SRGAP1: variants seen among roughly 807,000 people sequenced by gnomAD.
SRGAP1 encodes SLIT-ROBO Rho GTPase activating protein 1.
SRGAP1 carries 43 observed loss-of-function variants against 121.9 expected under a neutral mutation model. The observed-to-expected ratio is 0.35, with a 90% confidence interval of 0.28 to 0.46. SRGAP1 has a LOEUF of 0.46. Ranked by LOEUF, SRGAP1 falls within the 20% of genes least tolerant of loss-of-function variation. The pLI, the probability that SRGAP1 is intolerant of heterozygous loss-of-function variation, is 1.00. For missense variants in SRGAP1, 1,102 were observed against 1,350.9 expected (o/e 0.82, Z 2.89); for synonymous variants, 447 against 485.4 (o/e 0.92, Z 1.04).
At chr12:63,915,608 T>C (rs1210101954) in intron 1 of SRGAP1, among the ~76,000 whole-genome samples, 2 of 152,210 alleles carry the variant, frequency 1.3e-5, no homozygotes, top group Non-Finnish European at 2.9e-5. Context: ...TGAGTGATCA[T>C]AGCAACCATC....
chr12:63,899,620 C>T (rs1302621705), intron 1 of SRGAP1, among the ~76,000 whole-genome samples: 1 of 152,180 alleles, frequency 6.6e-6, no homozygotes, highest in East Asian at 1.9e-4. Flanking sequence ...CTTATTTGAA[C>T]ATGGTTTGAA....
At chr12:64,017,912 T>C (rs1043978910) in intron 4 of SRGAP1, among the ~76,000 whole-genome samples, 1 of 152,138 alleles carries the variant, frequency 6.6e-6, no homozygotes, top group African/African-American at 2.4e-5. Flanking sequence ...CCTAATGATG[T>C]TGCAAGTTGG....
intron 18 of SRGAP1, among the ~76,000 whole-genome samples, chr12:64,123,488 C>A (rs997053614): frequency 2.0e-5 from 3 of 152,146 alleles, no homozygotes; most frequent in African/African-American, 7.2e-5. Context: ...ATAATGAGAT[C>A]ATTCCCTTTA....
At chr12:63,877,094 A>T (rs141030374) in intron 1 of SRGAP1, among the ~76,000 whole-genome samples, 179 of 152,286 alleles carry the variant, frequency 1.2e-3, no homozygotes, top group African/African-American at 4.1e-3. Flanking sequence ...GCATGGTGGC[A>T]TGCGCCTGTA....
intron 1 of SRGAP1, among the ~76,000 whole-genome samples, chr12:63,943,419 A>G (rs764523882): frequency 6.6e-6 from 1 of 152,224 alleles, no homozygotes; most frequent in African/African-American, 2.4e-5. Flanking sequence ...CCAAGTGTAT[A>G]TAGGCATTAG....
Position 64,152,997 on chromosome 12 carries a change from A to G in SRGAP1, c.*10325A>G, listed in dbSNP as rs143161619. ...ATTTCAGGTGTTGATAACTGCTACAAAAAGCAAAAGTGAAATAAACAGGGT... is the reference window on the plus strand; with the variant it reads ...ATTTCAGGTGTTGATAACTGCTACAGAAAGCAAAAGTGAAATAAACAGGGT... On this transcript the variant is annotated 3_prime_UTR_variant, in exon 22 of 22. Transcript: ENST00000355086. The G allele has an allele frequency of 6.6e-5, 10 of 152,100 alleles. No individual in the cohort carries two copies. In the East Asian group the frequency reaches 1.9e-3, roughly 29 times the overall value. The allele number at this position is 152,100 out of a possible 1,614,324, so 9.4% of individuals were successfully genotyped here.
intron 6 of SRGAP1, among the ~76,000 whole-genome samples, chr12:64,060,679 A>G (rs750575831): frequency 6.6e-6 from 1 of 152,208 alleles, no homozygotes; most frequent in Non-Finnish European, 1.5e-5. Flanking sequence ...GGACCAACCT[A>G]TTTAATTTAA....
intron 1 of SRGAP1, among the ~76,000 whole-genome samples, chr12:63,869,507 G>A (rs566525754): frequency 6.6e-6 from 1 of 152,154 alleles, no homozygotes; most frequent in African/African-American, 2.4e-5. Context: ...TTTCAACAGG[G>A]CAGCACCCTT....
At chr12:64,083,650 A>T (rs969344315) in intron 10 of SRGAP1, among the ~76,000 whole-genome samples, 6 of 152,246 alleles carry the variant, frequency 3.9e-5, no homozygotes, top group African/African-American at 1.4e-4. Flanking sequence ...TTTAAATCAT[A>T]GAAGTTAAAT....
At position 64,150,096 on chromosome 12, in the gene SRGAP1, G is replaced by C. The variant is rs755774858; in HGVS notation, c.*7424G>C. 2.0e-5 allele frequency: 3 copies of C among 150,594 alleles called. No homozygotes were observed. The highest frequency in any genetic ancestry group is 2.0e-4 in the East Asian group (1 of 5,074). The allele number at this position is 150,594 out of a possible 1,614,324, so 9.3% of individuals were successfully genotyped here. The stretch of plus-strand genomic sequence containing the variant: ...TTTCTATCAAGGTCAGTCTCAGCAA[G>C]AGAAATGGGACTGGGCTGGATATCA... On this transcript the variant is annotated 3_prime_UTR_variant, in exon 22 of 22. Transcript: ENST00000355086.
At position 63,945,140 on chromosome 12, in the gene SRGAP1, A is replaced by T. The variant is rs79011604; in HGVS notation, c.68-38807A>T. 9.5e-3 allele frequency among the ~76,000 whole-genome samples: 1,446 copies of T among 152,152 alleles called. 24 individuals carry two copies. Among genetic ancestry groups the T allele is most frequent in the African/African-American group, 0.032 (1,341 of 41,514 alleles). On this transcript the variant is annotated intron_variant, in intron 1 of 21. Coordinates refer to ENST00000355086, the MANE Select transcript of SRGAP1 (RefSeq NM_020762.4). ...TTTCTGCCCACCCCTCCCCAACAAGACAGACAGCAGAAATCTGGACTCAGC... is the reference window on the plus strand; with the variant it reads ...TTTCTGCCCACCCCTCCCCAACAAGTCAGACAGCAGAAATCTGGACTCAGC...
In SRGAP1 at chr12:64,041,399, T is replaced by TTTATTTATTTA. The variant is rs1565652856; in HGVS notation, c.490-1389_490-1388insATTTATTTATT. Among the ~76,000 whole-genome samples the TTTATTTATTTA allele has an allele frequency of 1.2e-3, 150 of 122,246 alleles. 1 individual carries two copies. The highest frequency in any genetic ancestry group is 1.8e-3 in the Non-Finnish European group (108 of 61,198). 80.2% of individuals were successfully genotyped at this position (122,246 alleles called of 152,430 possible). A position where few individuals can be genotyped will look rare whatever the true frequency, so the allele number is the denominator to read the frequency against. On this transcript the variant is annotated intron_variant, in intron 4 of 21. Transcript: ENST00000355086. ...TATTTATTTATTTATTTATTTATTT[T>TTTATTTATTTA]TTTGAGGCAAGGTCTCACTCTGTCA...
At chr12:63,901,569 C>G (rs1023751233) in intron 1 of SRGAP1, among the ~76,000 whole-genome samples, 1 of 152,188 alleles carries the variant, frequency 6.6e-6, no homozygotes, top group Non-Finnish European at 1.5e-5. Flanking sequence ...TAATCTTGGC[C>G]TATCCATCAT....
At chr12:64,132,620 AG>A (rs1248498995) in intron 21 of SRGAP1, among the ~76,000 whole-genome samples, 1 of 152,164 alleles carries the variant, frequency 6.6e-6, no homozygotes, top group African/African-American at 2.4e-5. Context: ...AATTTTACTG[AG>A]GTAGAAGGTC....
At position 64,097,220 on chromosome 12, in the gene SRGAP1, GA is replaced by G; in HGVS notation, c.1679-20del. On this transcript the variant is annotated intron_variant, in intron 14 of 21. Coordinates refer to ENST00000355086, the MANE Select transcript of SRGAP1 (RefSeq NM_020762.4). ...GAAAAAGAAGCACTGTTAATGTAAT[GA>G]GTTTTTTTTTTTTTTTTAGGTGAAA... 2.7e-6 allele frequency: 4 copies of G among 1,462,314 alleles called. No individual in the cohort carries two copies. Among genetic ancestry groups the G allele is most frequent in the Non-Finnish European group, 3.7e-6 (4 of 1,076,160 alleles). The allele number at this position is 1,462,314 out of a possible 1,614,324, so 90.6% of individuals were successfully genotyped here. A position where few individuals can be genotyped will look rare whatever the true frequency, so the allele number is the denominator to read the frequency against.
At chr12:63,858,805 C>T (rs757311197) in intron 1 of SRGAP1, among the ~76,000 whole-genome samples, 1 of 152,120 alleles carries the variant, frequency 6.6e-6, no homozygotes, top group Admixed American at 6.5e-5. Context: ...TGGGTTCAAG[C>T]GATTCTCCTG....
chr12:64,099,702 A>G (rs762074792), intron 15 of SRGAP1, among the ~76,000 whole-genome samples: 2 of 152,200 alleles, frequency 1.3e-5, no homozygotes, highest in Non-Finnish European at 2.9e-5. Context: ...GCCATGTCCA[A>G]AGATTTCCCT....
intron 18 of SRGAP1, among the ~76,000 whole-genome samples, chr12:64,116,306 G>A (rs1281617262): frequency 6.8e-6 from 1 of 147,248 alleles, no homozygotes; most frequent in Admixed American, 6.8e-5. Context: ...TAAAATATGT[G>A]TAAGGTATAA....
At chr12:63,910,768 GT>G (rs982432186) in intron 1 of SRGAP1, among the ~76,000 whole-genome samples, 1 of 152,128 alleles carries the variant, frequency 6.6e-6, no homozygotes, top group Non-Finnish European at 1.5e-5. Context: ...TTCACTACTG[GT>G]GATGGTAAAA....
Sources: gnomAD v4.1 joint callset for allele counts (sites outside exome capture counted in the v4.1 genomes callset) on GRCh38, gnomAD v4.1.1 for gene constraint, MANE v1.5 for transcripts, NCBI Gene and HGNC (gene_info 2026-07-23, HGNC 2026-07-21) for gene names.